The following KCTD8 variants were observed in gnomAD, a reference collection of about 807,000 sequenced individuals.
The protein encoded by KCTD8 is BTB/POZ domain-containing protein KCTD8.
A neutral mutation model predicts 31.5 loss-of-function variants in KCTD8; 27 were observed. The observed-to-expected ratio is 0.86, with a 90% CI of 0.63 to 1.18. KCTD8 has a LOEUF of 1.18. Ranked by LOEUF, KCTD8 falls within the 50% of genes most tolerant of loss-of-function variation. The pLI is 0.00. For synonymous variants in KCTD8, 290 were observed against 280.0 expected, an observed-to-expected ratio of 1.04 and a Z score of -0.36; for missense variants, 658 against 647.7, an observed-to-expected ratio of 1.02 and a Z score of -0.17.
rs1722018990 is a variant in KCTD8, at chr4:44,448,517, G to C, written c.7C>G (p.Leu3Val). Residue 3 changes from leucine to valine, a missense_variant, in exon 1 of 2, where the codon CTG (leucine) becomes GTG (valine). Leu to Val is a conservative substitution (Grantham distance 32, BLOSUM62 1). Transcript: ENST00000360029. The surrounding 1 kb of genome is among the most constrained non-coding windows in gnomAD (Gnocchi z 4.1). MA[L>V]KDTGSGGSTI... ...CTGCCGCCGCTGCCCGTGTCCTTCA[G>C]AGCCATAGTCCCCCCGCCGCCGGCC... The C allele has an allele frequency of 6.8e-7, 1 of 1,477,282 alleles. No individual in the cohort carries two copies. The highest frequency in any genetic ancestry group is 8.9e-7 in the Non-Finnish European group (1 of 1,118,522). The allele number at this position is 1,477,282 out of a possible 1,614,324, so 91.5% of individuals were successfully genotyped here.
chr4:44,259,317 T>C (rs1716094218), intron 1 of KCTD8, among the ~76,000 whole-genome samples: 1 of 151,892 alleles, frequency 6.6e-6, no homozygotes, highest in Non-Finnish European at 1.5e-5. Flanking sequence ...AAATAATTTA[T>C]CCTTCAAATA....
intron 1 of KCTD8, among the ~76,000 whole-genome samples, chr4:44,351,898 A>G (rs1223986072): frequency 2.6e-5 from 4 of 152,142 alleles, no homozygotes; most frequent in Non-Finnish European, 5.9e-5. Flanking sequence ...TCAACATTCA[A>G]ACTCCATTAA....
At chr4:44,412,057 A>C (rs1473780816) in intron 1 of KCTD8, among the ~76,000 whole-genome samples, 2 of 152,194 alleles carry the variant, frequency 1.3e-5, no homozygotes, top group Non-Finnish European at 2.9e-5. Context: ...CTAGAATAAA[A>C]TCTAGAACAC....
At chr4:44,288,809 T>C (rs571541131) in intron 1 of KCTD8, among the ~76,000 whole-genome samples, 21 of 152,168 alleles carry the variant, frequency 1.4e-4, no homozygotes, top group African/African-American at 4.3e-4. Flanking sequence ...ACCTACCCTC[T>C]TCCTTTCTGC....
chr4:44,289,894 A>G lies in KCTD8; in HGVS notation c.962-114644T>C, dbSNP rs1717219972. Among the ~76,000 whole-genome samples the G allele has an allele frequency of 2.0e-5, 3 of 152,190 alleles. No individual in the cohort carries two copies. In the South Asian group the frequency reaches 6.2e-4, roughly 31 times the overall value. ...AGAGACTGCAGGGCCAAATTTTGCA[A>G]GAAATTATACATTCAAGTCTACAAA... is the stretch of plus-strand genomic sequence containing the variant. On this transcript the variant is annotated intron_variant, in intron 1 of 1. Coordinates refer to ENST00000360029, the MANE Select transcript of KCTD8 (RefSeq NM_198353.3).
chr4:44,349,757 C>T (rs952367036), intron 1 of KCTD8, among the ~76,000 whole-genome samples: 1 of 152,142 alleles, frequency 6.6e-6, no homozygotes, highest in African/African-American at 2.4e-5. Context: ...CAAAGCACAA[C>T]TCTGATTGTA....
intron 1 of KCTD8, among the ~76,000 whole-genome samples, chr4:44,364,054 T>G (rs963691128): frequency 3.9e-5 from 6 of 151,996 alleles, no homozygotes; most frequent in African/African-American, 1.4e-4. Flanking sequence ...AGATACAACA[T>G]GAAAAGCACT....
intron 1 of KCTD8, among the ~76,000 whole-genome samples, chr4:44,281,744 C>T (rs529566662): frequency 4.6e-5 from 7 of 152,182 alleles, no homozygotes; most frequent in South Asian, 2.1e-4. Flanking sequence ...TGTACCAAGA[C>T]GAGACAACTT....
intron 1 of KCTD8, among the ~76,000 whole-genome samples, chr4:44,434,567 C>T (rs1721596347): frequency 6.6e-6 from 1 of 151,864 alleles, no homozygotes; most frequent in Non-Finnish European, 1.5e-5. Context: ...AGCTTCCCTA[C>T]TTAAATCAAT....
At chr4:44,295,936 G>A (rs1298576689) in intron 1 of KCTD8, among the ~76,000 whole-genome samples, 1 of 152,066 alleles carries the variant, frequency 6.6e-6, no homozygotes, top group Non-Finnish European at 1.5e-5. Context: ...TGGTCATTTG[G>A]TAGATAAAAA....
chr4:44,210,260 AC>A (rs1714443505), intron 1 of KCTD8, among the ~76,000 whole-genome samples: 1 of 152,112 alleles, frequency 6.6e-6, no homozygotes, highest in Non-Finnish European at 1.5e-5. Context: ...TCAGATTATT[AC>A]AGTAATCAGC....
At chr4:44,240,761 T>A (rs1333069422) in intron 1 of KCTD8, among the ~76,000 whole-genome samples, 2 of 152,218 alleles carry the variant, frequency 1.3e-5, no homozygotes, top group Non-Finnish European at 1.5e-5. Flanking sequence ...AAAATGCTCC[T>A]CAGACTGAAA....
At chr4:44,349,444 G>A (rs1199232881) in intron 1 of KCTD8, among the ~76,000 whole-genome samples, 1 of 152,084 alleles carries the variant, frequency 6.6e-6, no homozygotes, top group Non-Finnish European at 1.5e-5. Context: ...TCCAACATCG[G>A]GCAGGAATGA....
At chr4:44,358,933 CT>C (rs1430280602) in intron 1 of KCTD8, among the ~76,000 whole-genome samples, 1 of 152,092 alleles carries the variant, frequency 6.6e-6, no homozygotes, top group Non-Finnish European at 1.5e-5. Context: ...TGATGATGAG[CT>C]TTTTTTCATA....
At chr4:44,422,247 G>T (rs1721229922) in intron 1 of KCTD8, among the ~76,000 whole-genome samples, 1 of 151,988 alleles carries the variant, frequency 6.6e-6, no homozygotes, top group Admixed American at 6.6e-5. Context: ...TTAGAAAAAA[G>T]TTCTTATAAT....
rs1182704429 is a variant in KCTD8, at chr4:44,293,680, A to C, written c.962-118430T>G. On this transcript the variant is annotated intron_variant, in intron 1 of 1. Transcript: ENST00000360029. The stretch of plus-strand genomic sequence containing the variant: ...TAGTATTTTAATCAATTGTATGATG[A>C]CATGAGGGAAATTTTTTAAAACCCA... 3 of 371,626 alleles carry C rather than the reference A, an allele frequency of 8.1e-6. No homozygotes were observed. The Admixed American group carries it at 1.1e-4, about 14-fold the overall frequency. 23.0% of individuals were successfully genotyped at this position (371,626 alleles called of 1,614,324 possible).
At chr4:44,409,762 C>G (rs1720905663) in intron 1 of KCTD8, among the ~76,000 whole-genome samples, 1 of 143,540 alleles carries the variant, frequency 7.0e-6, no homozygotes, top group African/African-American at 2.6e-5. Flanking sequence ...CTGAACAGCC[C>G]TCATCTTCAG....
At chr4:44,235,103 T>G (rs970547514) in intron 1 of KCTD8, among the ~76,000 whole-genome samples, 4 of 151,534 alleles carry the variant, frequency 2.6e-5, no homozygotes, top group Non-Finnish European at 5.9e-5. Context: ...CCAATGATGA[T>G]GATGATGATG....
chr4:44,356,484 C>A (rs529559080), intron 1 of KCTD8, among the ~76,000 whole-genome samples: 1 of 152,256 alleles, frequency 6.6e-6, no homozygotes, highest in Admixed American at 6.5e-5. Flanking sequence ...GAGATAGTTT[C>A]TTTTCATGAG....
Sources: gnomAD v4.1 joint callset for allele counts (sites outside exome capture counted in the v4.1 genomes callset) on GRCh38, gnomAD v4.1.1 for gene constraint, Gnocchi (gnomAD v3.1) non-coding constraint, MANE v1.5 for transcripts, NCBI Gene and HGNC (gene_info 2026-07-23, HGNC 2026-07-21) for gene names.